The following PCDH1 variants were observed in gnomAD, a reference collection of about 807,000 sequenced individuals.
The protein encoded by PCDH1 is protocadherin-1.
A neutral mutation model predicts 74.6 loss-of-function variants in PCDH1; 23 were observed. The ratio of observed to expected loss-of-function variants is 0.31; its 90% confidence interval spans 0.22 to 0.44. The LOEUF is 0.44. Among genes scored for constraint, PCDH1 ranks in the 20% least tolerant of loss-of-function variants. PCDH1 has a pLI of 1.00. For synonymous variants in PCDH1, 647 were observed against 686.1 expected, an observed-to-expected ratio of 0.94 and a Z score of 0.89; for missense variants, 1,214 against 1,641.4, an observed-to-expected ratio of 0.74 and a Z score of 4.50.
chr5:141,854,082 G>T lies in PCDH1; in HGVS notation c.3674C>A (p.Pro1225Gln), dbSNP rs778772554. The change falls in exon 5 of 5, where the codon CCG becomes CAG. Residue 1225 changes from proline (P) to glutamine (Q), a missense_variant. By Grantham distance (76) the Pro-to-Gln change is moderately conservative. Transcript: ENST00000287008. ...GCGCTTGGCCGTCTGGGCAGATGCC[G>T]GTGTGGCTGCGGGTGGGAAGTCCGA... Reference protein sequence around the residue: ...QTSDFPPAATPASAQTAKREI... With the variant: ...QTSDFPPAATQASAQTAKREI... 1 of 1,540,764 alleles carries T rather than the reference G, an allele frequency of 6.5e-7. No homozygotes were observed. The highest frequency in any genetic ancestry group is 8.8e-7 in the Non-Finnish European group (1 of 1,140,858).
chr5:141,873,697 A>G (rs1167039037), intron 1 of PCDH1, among the ~76,000 whole-genome samples: 2 of 147,920 alleles, frequency 1.4e-5, no homozygotes, highest in Non-Finnish European at 3.0e-5. Context: ...TGACCTCGTG[A>G]TCCTCCTGCG....
intron 2 of PCDH1, chr5:141,866,240 C>T (rs1477828025): frequency 1.4e-5 from 14 of 985,516 alleles, no homozygotes; most frequent in Non-Finnish European, 1.6e-5. Context: ...GGCGAGGCAC[C>T]AATGCGAGGA....
In PCDH1 at chr5:141,869,771, C is replaced by T. The variant is rs1037135588; in HGVS notation, c.41-340G>A. 6.1e-6 allele frequency: 6 copies of T among 985,314 alleles called. No homozygotes were observed. The highest frequency in any genetic ancestry group is 4.8e-6 in the Non-Finnish European group (4 of 829,942). The allele number at this position is 985,314 out of a possible 1,614,324, so 61.0% of individuals were successfully genotyped here. A position where few individuals can be genotyped will look rare whatever the true frequency, so the allele number is the denominator to read the frequency against. On this transcript the variant is annotated intron_variant, in intron 1 of 4. Coordinates refer to ENST00000287008, the MANE Select transcript of PCDH1 (RefSeq NM_032420.5). The surrounding 1 kb of genome is among the most constrained non-coding windows in gnomAD (Gnocchi z 4.9). ...TCCTTCTTTTCCTCCTTGCTCTCTG[C>T]TCTGTGCTTCACCCAACACCTCCTT...
Position 141,864,143 on chromosome 5 carries a change from T to C in PCDH1, c.2188A>G (p.Thr730Ala). 1 of 1,608,898 alleles carries C rather than the reference T, an allele frequency of 6.2e-7. No homozygotes were observed. The highest frequency in any genetic ancestry group is 1.1e-5 in the South Asian group (1 of 90,662). ...NTSHKLLTPQTRLGETVSQVA... is the reference protein window; with the variant it reads ...NTSHKLLTPQARLGETVSQVA... ...TGGCTGACCGTCTCACCAAGACGTG[T>C]CTGGGGGGTCAGCAGCTTGTGAGAG... The change falls in exon 3 of 5, where the codon ACA becomes GCA. Residue 730 changes from threonine to alanine, a missense_variant. Transcript: ENST00000287008. The surrounding 1 kb of genome is among the most constrained non-coding windows in gnomAD (Gnocchi z 5.9).
intron 3 of PCDH1, among the ~76,000 whole-genome samples, chr5:141,859,753 C>A (rs1024279661): frequency 6.6e-5 from 10 of 152,150 alleles, no homozygotes; most frequent in African/African-American, 2.4e-4. Flanking sequence ...CCATCATAGT[C>A]CAACTCTTAG....
In PCDH1 at chr5:141,863,214, C is replaced by A. The variant is rs748956355; in HGVS notation, c.3099+18G>T. 11 of 1,566,590 alleles carry A rather than the reference C, an allele frequency of 7.0e-6. No homozygotes were observed. In the South Asian group the frequency reaches 1.1e-4, roughly 16 times the overall value. On this transcript the variant is annotated intron_variant, in intron 3 of 4. Coordinates refer to ENST00000287008, the MANE Select transcript of PCDH1 (RefSeq NM_032420.5). This position sits in a 1 kb window ranked among gnomAD's most constrained non-coding sequence, Gnocchi z 7.5. ...GGGGTAGGGGCTGGGGTGTGCTGAGCTGAAAGGGCTGGCCTACCTGCTTGC... is the reference window on the plus strand; with the variant it reads ...GGGGTAGGGGCTGGGGTGTGCTGAGATGAAAGGGCTGGCCTACCTGCTTGC...
At chr5:141,877,034 C>A (rs1157344608) in intron 1 of PCDH1, among the ~76,000 whole-genome samples, 3 of 152,222 alleles carry the variant, frequency 2.0e-5, no homozygotes, top group Non-Finnish European at 4.4e-5. Flanking sequence ...GCCGGCCCAG[C>A]CTTCCCGCTG....
At chr5:141,858,525 G>A (rs1161662001) in intron 3 of PCDH1, among the ~76,000 whole-genome samples, 1 of 152,154 alleles carries the variant, frequency 6.6e-6, no homozygotes, top group African/African-American at 2.4e-5. Context: ...GGGGGTCGGG[G>A]GAGTGGAACC....
intron 4 of PCDH1, among the ~76,000 whole-genome samples, chr5:141,856,436 G>C (rs1010323137): frequency 9.2e-5 from 14 of 152,292 alleles, no homozygotes; most frequent in African/African-American, 3.1e-4. Context: ...TTTGTGGAGC[G>C]AGGAGGCTTT....
Position 141,854,014 on chromosome 5 carries a change from G to A in PCDH1, c.*28C>T, listed in dbSNP as rs1167607768. 6.8e-7 allele frequency: 1 copy of A among 1,476,450 alleles called. No individual in the cohort carries two copies. The highest frequency in any genetic ancestry group is 1.4e-5 in the South Asian group (1 of 69,872). 91.5% of individuals were successfully genotyped at this position (1,476,450 alleles called of 1,614,324 possible). A position where few individuals can be genotyped will look rare whatever the true frequency, so the allele number is the denominator to read the frequency against. On this transcript the variant is annotated 3_prime_UTR_variant, in exon 5 of 5. Transcript: ENST00000287008. ...TTTGGGAGCTGGCCGGCGGCTGGGG[G>A]AGGGGGGCCGGCCGGCCAGTAGGGG... is the stretch of plus-strand genomic sequence containing the variant.
rs574504353 is a variant in PCDH1 at position 141,864,108 on chromosome 5, G to A, written c.2223C>T (p.Ala741=). 11 of 1,610,314 alleles carry A rather than the reference G, an allele frequency of 6.8e-6. No individual in the cohort carries two copies. The highest frequency in any genetic ancestry group is 3.3e-5 in the South Asian group (3 of 90,952). Reference sequence around the variant, plus strand: ...CATTGACACCAGAGTCAAAGTCCTCGGCTGCCACCTGGCTGACCGTCTCAC... The same window carrying A: ...CATTGACACCAGAGTCAAAGTCCTCAGCTGCCACCTGGCTGACCGTCTCAC... The part of the protein sequence containing the change: ...RLGETVSQVA[A]EDFDSGVNAE... The change falls in exon 3 of 5, where the codon GCC becomes GCT. Residue 741 remains alanine, a synonymous_variant. Coordinates refer to ENST00000287008, the MANE Select transcript of PCDH1 (RefSeq NM_032420.5). This position sits in a 1 kb window ranked among gnomAD's most constrained non-coding sequence, Gnocchi z 5.9.
At position 141,863,263 on chromosome 5, in the gene PCDH1, C is replaced by A; in HGVS notation, c.3068G>T (p.Arg1023Leu). The change falls in exon 3 of 5, where the codon CGC (arginine) becomes CTC (leucine). Residue 1023 changes from arginine to leucine, a missense_variant. Arg to Leu is a moderately radical substitution (Grantham distance 102). This residue lies in a region of PCDH1 where 836 missense variants were observed against 1,182.2 expected (regional missense o/e 0.71). Transcript: ENST00000287008. The surrounding 1 kb of genome is among the most constrained non-coding windows in gnomAD (Gnocchi z 7.5). ...GCTGGGGTATTTGGGGGGGTTGGTG[C>A]GGTAGCTGTAGTCGGAGTACTGCTC... ...GSEQYSDYSY[R>L]TNPPKYPSKQ... 6.3e-7 allele frequency: 1 copy of A among 1,592,468 alleles called. No homozygotes were observed. The highest frequency in any genetic ancestry group is 2.2e-5 in the East Asian group (1 of 44,722).
In PCDH1 at chr5:141,854,268, C is replaced by T. The variant is rs554262722; in HGVS notation, c.3488G>A (p.Gly1163Glu). ...STFVPYQDRG[G>E]QEPAGAGSPS... ...GCTGCCGGCGCCCGCAGGCTCCTGC[C>T]CTCCTCGGTCCTGGTAAGGCACGAA... Residue 1163 changes from glycine to glutamate, a missense_variant, in exon 5 of 5, where the codon GGG becomes GAG. By Grantham distance (98) the Gly-to-Glu change is moderately conservative. This residue lies in a region of PCDH1 where 194 missense variants were observed against 198.3 expected (regional missense o/e 0.98). Transcript: ENST00000287008. The T allele has an allele frequency of 6.8e-6, 11 of 1,613,106 alleles. No individual in the cohort carries two copies. In the African/African-American group the frequency reaches 1.2e-4, roughly 18 times the overall value.
chr5:141,864,168 G>A lies in PCDH1; in HGVS notation c.2163C>T (p.Thr721=). ...TCTGGGGGGTCAGCAGCTTGTGAGA[G>A]GTGTTAGAAGGGGCAGTGATATAGG... The part of the protein sequence containing the change: ...NAPYITAPSN[T]SHKLLTPQTR... Residue 721 remains threonine (T), a synonymous_variant, in exon 3 of 5, where the codon ACC becomes ACT. Transcript: ENST00000287008. This position sits in a 1 kb window ranked among gnomAD's most constrained non-coding sequence, Gnocchi z 5.9. The A allele has an allele frequency of 2.5e-6, 4 of 1,607,486 alleles. No individual in the cohort carries two copies. Among genetic ancestry groups the A allele is most frequent in the Non-Finnish European group, 3.4e-6 (4 of 1,175,172 alleles).
chr5:141,868,605 T>G lies in PCDH1; in HGVS notation c.867A>C (p.Leu289=). Residue 289 remains leucine, a synonymous_variant, in exon 2 of 5, where the codon CTA becomes CTC. Transcript: ENST00000287008. The surrounding 1 kb of genome is among the most constrained non-coding windows in gnomAD (Gnocchi z 4.8). ...KFERPSYEAE[L]SENSPIGHSV... is the part of the protein sequence containing the mutation. ...AGTGGCCTATGGGGCTATTCTCAGA[T>G]AGTTCGGCCTCATAGGAGGGCCGCT... 1 of 1,569,240 alleles carries G rather than the reference T, an allele frequency of 6.4e-7. No homozygotes were observed. The highest frequency in any genetic ancestry group is 8.6e-7 in the Non-Finnish European group (1 of 1,157,852).
Position 141,869,361 on chromosome 5 carries a change from T to C in PCDH1, c.111A>G (p.Leu37=), listed in dbSNP as rs1753021036. The C allele has an allele frequency of 6.3e-7, 1 of 1,597,002 alleles. No individual in the cohort carries two copies. Among genetic ancestry groups the C allele is most frequent in the Non-Finnish European group, 8.5e-7 (1 of 1,174,968 alleles). ...RHSPGPGGQR[L]LLPSMLLALL... is the part of the protein sequence containing the mutation. ...GTGCTAGCAGCATGGAGGGCAGCAG[T>C]AGCCGTTGCCCCCCAGGGCCTGGGC... Residue 37 remains leucine (L), a synonymous_variant, in exon 2 of 5, where the codon CTA becomes CTG. Transcript: ENST00000287008. This position sits in a 1 kb window ranked among gnomAD's most constrained non-coding sequence, Gnocchi z 4.9.
chr5:141,878,252 C>A lies in PCDH1; in HGVS notation c.11G>T (p.Gly4Val). 2.2e-6 allele frequency: 3 copies of A among 1,363,268 alleles called. No homozygotes were observed. The highest frequency in any genetic ancestry group is 1.7e-5 in the South Asian group (1 of 59,574). 84.4% of individuals were successfully genotyped at this position (1,363,268 alleles called of 1,614,324 possible). The change falls in exon 1 of 5, where the codon GGG becomes GTG. Residue 4 changes from glycine (G) to valine (V), a missense_variant. Gly to Val is a moderately radical substitution (Grantham distance 109). Coordinates refer to ENST00000287008, the MANE Select transcript of PCDH1 (RefSeq NM_032420.5). This position sits in a 1 kb window ranked among gnomAD's most constrained non-coding sequence, Gnocchi z 5.5. MDS[G>V]AGGRRCPEAA... ...CTCCGGGCAGCGCCGGCCGCCCGCC[C>A]CGCTGTCCATGAGCCGCCGCCGGCC...
chr5:141,875,132 G>C (rs1753187950), intron 1 of PCDH1, among the ~76,000 whole-genome samples: 1 of 152,174 alleles, frequency 6.6e-6, no homozygotes, highest in Admixed American at 6.5e-5. Context: ...AATTAAATGA[G>C]ATCTCATGCC....
intron 1 of PCDH1, among the ~76,000 whole-genome samples, chr5:141,877,180 C>T (rs1048220618): frequency 6.6e-6 from 1 of 152,132 alleles, no homozygotes; most frequent in Non-Finnish European, 1.5e-5. Flanking sequence ...TGTGTGTATG[C>T]GCTGCAGGGT....
Sources: allele counts gnomAD v4.1 joint callset (sites outside exome capture counted in the v4.1 genomes callset), GRCh38; gene constraint gnomAD v4.1.1; regional missense constraint gnomAD v4.1.1; non-coding constraint Gnocchi (gnomAD v3.1); transcripts MANE v1.5; gene names NCBI Gene and HGNC (gene_info 2026-07-23, HGNC 2026-07-21).